The following KNOP1 variants were observed in gnomAD, a reference collection of about 807,000 sequenced individuals.
KNOP1 encodes the protein lysine rich nucleolar protein 1, also known as lysine-rich nucleolar protein 1.
A neutral mutation model predicts 30.6 loss-of-function variants in KNOP1; 20 were observed. The observed-to-expected ratio is 0.65, with a 90% CI of 0.46 to 0.95. KNOP1 has a LOEUF of 0.95. KNOP1 is among the 40% of genes least tolerant of loss of function. The pLI is 0.00. For synonymous variants in KNOP1, 204 were observed against 210.0 expected, an observed-to-expected ratio of 0.97 and a Z score of 0.25; for missense variants, 540 against 562.0, an observed-to-expected ratio of 0.96 and a Z score of 0.40.
chr16:19,711,935 C>T (rs114244964), intron 2 of KNOP1: 7,895 of 170,916 alleles, frequency 0.046, 658 homozygotes, highest in African/African-American at 0.17. Context: ...TCTTCAGTAA[C>T]GACAAATGCT....
intron 2 of KNOP1, 42 bp downstream of exon 2, chr16:19,714,076 T>C: frequency 6.4e-7 from 1 of 1,561,262 alleles, no homozygotes; most frequent in Non-Finnish European, 8.7e-7. Flanking sequence ...ACCCCACCCT[T>C]AATTCTCCCA....
chr16:19,707,278 C>T, intron 4 of KNOP1, 57 bp from the exon 5 acceptor site: 1 of 1,468,330 alleles, frequency 6.8e-7, no homozygotes, highest in South Asian at 1.2e-5. Context: ...CTTTCCTTCC[C>T]TTGACCCCCA....
intron 1 of KNOP1, among the ~76,000 whole-genome samples, chr16:19,716,116 C>T (rs1977050654): frequency 6.6e-6 from 1 of 152,158 alleles, no homozygotes; most frequent in Admixed American, 6.5e-5. Flanking sequence ...ATTCATAACC[C>T]ACTCCAGGCG....
At chr16:19,713,221 T>C (rs1040071299) in intron 2 of KNOP1, among the ~76,000 whole-genome samples, 2 of 151,936 alleles carry the variant, frequency 1.3e-5, no homozygotes, top group African/African-American at 2.4e-5. Context: ...GCCTCACGAG[T>C]AGCTGGGAAT....
At position 19,706,722 on chromosome 16, in the gene KNOP1, C is replaced by A. The variant is rs1830800583; in HGVS notation, c.*188G>T. 1 of 662,056 alleles carries A rather than the reference C, an allele frequency of 1.5e-6. No individual in the cohort carries two copies. Among genetic ancestry groups the A allele is most frequent in the South Asian group, 1.9e-5 (1 of 53,428 alleles). 41.0% of individuals were successfully genotyped at this position (662,056 alleles called of 1,614,324 possible). A position where few individuals can be genotyped will look rare whatever the true frequency, so the allele number is the denominator to read the frequency against. ...AACTGTCAGATGGCTTTCATTTGCA[C>A]AACTGAATAAACCATTTATGCCTAG... On this transcript the variant is annotated 3_prime_UTR_variant, in exon 5 of 5. Transcript: ENST00000219837.
rs994994527 is a variant in KNOP1 at position 19,706,644 on chromosome 16, C to A, written c.*266G>T. ...CTGCCCTGCCCCAGTTCATCCAAGCCCATCAATATAGTTGTCCTCGTCCTT... is the reference window on the plus strand; with the variant it reads ...CTGCCCTGCCCCAGTTCATCCAAGCACATCAATATAGTTGTCCTCGTCCTT... On this transcript the variant is annotated 3_prime_UTR_variant, in exon 5 of 5. Coordinates refer to ENST00000219837, the MANE Select transcript of KNOP1 (RefSeq NM_001012991.3). 3.6e-5 allele frequency: 15 copies of A among 421,182 alleles called. No homozygotes were observed. Among genetic ancestry groups the A allele is most frequent in the African/African-American group, 1.9e-4 (9 of 48,348 alleles). The allele number at this position is 421,182 out of a possible 1,614,324, so 26.1% of individuals were successfully genotyped here.
rs1976238540 is a variant in KNOP1 at position 19,703,347 on chromosome 16, T to C, written c.*3563A>G. The stretch of plus-strand genomic sequence containing the variant: ...TTTCTTAAGTCTCTTTGATGTGGAC[T>C]CTTTTTTGCCTTCCTCTTCCACATT... On this transcript the variant is annotated 3_prime_UTR_variant, in exon 5 of 5. Coordinates refer to ENST00000219837, the MANE Select transcript of KNOP1 (RefSeq NM_001012991.3). 6.6e-6 allele frequency: 1 copy of C among 152,178 alleles called. No homozygotes were observed. Among genetic ancestry groups the C allele is most frequent in the Non-Finnish European group, 1.5e-5 (1 of 68,046 alleles). 9.4% of individuals were successfully genotyped at this position (152,178 alleles called of 1,614,324 possible).
chr16:19,711,511 G>A, intron 2 of KNOP1, 71 bp from the exon 3 acceptor site: 1 of 1,468,140 alleles, frequency 6.8e-7, no homozygotes, highest in Non-Finnish European at 9.5e-7. Context: ...CACCCAGCCA[G>A]GGTGAGACCA....
At chr16:19,716,091 C>A (rs899307487) in intron 1 of KNOP1, among the ~76,000 whole-genome samples, 3 of 152,200 alleles carry the variant, frequency 2.0e-5, no homozygotes, top group Non-Finnish European at 4.4e-5. Context: ...CAGGCCTGAG[C>A]TACAGGTCAA....
At chr16:19,715,636 G>A (rs560911726) in intron 1 of KNOP1, among the ~76,000 whole-genome samples, 4 of 151,940 alleles carry the variant, frequency 2.6e-5, no homozygotes, top group African/African-American at 9.7e-5. Flanking sequence ...GGCCAGGCTA[G>A]TCTCAAACTC....
chr16:19,711,813 C>CT (rs1976736348), intron 2 of KNOP1: 2 of 287,144 alleles, frequency 7.0e-6, no homozygotes, highest in Non-Finnish European at 1.3e-5. Context: ...TGACACCAAA[C>CT]TACAGGACAG....
chr16:19,712,748 C>G (rs1976784898), intron 2 of KNOP1, among the ~76,000 whole-genome samples: 1 of 152,228 alleles, frequency 6.6e-6, no homozygotes, highest in Non-Finnish European at 1.5e-5. Flanking sequence ...AAGGGCCGGA[C>G]ACTGTCTGGA....
Position 19,705,092 on chromosome 16 carries a change from T to TTTTC in KNOP1, c.*1814_*1817dup, listed in dbSNP as rs1976305346. 1 of 444,668 alleles carries TTTTC rather than the reference T, an allele frequency of 2.2e-6. No individual in the cohort carries two copies. Among genetic ancestry groups the TTTTC allele is most frequent in the Non-Finnish European group, 4.5e-6 (1 of 220,014 alleles). 27.5% of individuals were successfully genotyped at this position (444,668 alleles called of 1,614,324 possible). ...AAGTTTCCTTGAGACACAAAAAGGC[T>TTTTC]TTTCTTCCTCTGGAATGTTCTAGGG... On this transcript the variant is annotated 3_prime_UTR_variant, in exon 5 of 5. Coordinates refer to ENST00000219837, the MANE Select transcript of KNOP1 (RefSeq NM_001012991.3).
intron 1 of KNOP1, chr16:19,716,402 C>T (rs1013259568): frequency 6.6e-6 from 1 of 152,258 alleles, no homozygotes; most frequent in Non-Finnish European, 1.5e-5. Context: ...GGTTGTGGAA[C>T]CTGTCCTACC....
At chr16:19,707,304 GC>G in intron 4 of KNOP1, 83 bp from the exon 5 acceptor site, 1 of 1,145,618 alleles carries the variant, frequency 8.7e-7, no homozygotes, top group Non-Finnish European at 1.3e-6. Context: ...ATCAGGGAGG[GC>G]CCAGCAGATT....
rs984751326 is a variant in KNOP1, at chr16:19,707,105, G to A, written c.1182C>T (p.Ala394=). ...CCATGTTGGGCCTTGCAATCGTGCTGGCGGGGCGGCTGAACGAAGGGGACA... is the reference window on the plus strand; with the variant it reads ...CCATGTTGGGCCTTGCAATCGTGCTAGCGGGGCGGCTGAACGAAGGGGACA... ...KNLSPSFSRP[A]STIARPNMAL... The change falls in exon 5 of 5, where the codon GCC becomes GCT. Residue 394 remains alanine (A), a synonymous_variant. Coordinates refer to ENST00000219837, the MANE Select transcript of KNOP1 (RefSeq NM_001012991.3). The A allele has an allele frequency of 2.5e-6, 4 of 1,614,052 alleles. No individual in the cohort carries two copies. Among genetic ancestry groups the A allele is most frequent in the Admixed American group, 1.7e-5 (1 of 60,002 alleles).
chr16:19,708,377 G>GT lies in KNOP1; in HGVS notation c.1066-1157dup, dbSNP rs1205230231. Among the ~76,000 whole-genome samples the GT allele has an allele frequency of 2.0e-5, 3 of 152,124 alleles. No homozygotes were observed. In the South Asian group the frequency reaches 6.2e-4, roughly 32 times the overall value. On this transcript the variant is annotated intron_variant, in intron 4 of 4. Coordinates refer to ENST00000219837, the MANE Select transcript of KNOP1 (RefSeq NM_001012991.3). The stretch of plus-strand genomic sequence containing the variant: ...AAGAAACTCACCTCCCAAGAAGACT[G>GT]TGACTCGGAAGTCAGGCAGCCCCGG...
chr16:19,701,984 G>GTT lies in KNOP1; in HGVS notation c.*4924_*4925dup. The stretch of plus-strand genomic sequence containing the variant: ...AGTGGCCTTTATTTCACAAAATTCT[G>GTT]TTTTTTTTTCTTTTTTTTGAGACAG... On this transcript the variant is annotated 3_prime_UTR_variant, in exon 5 of 5. Transcript: ENST00000219837. The GTT allele has an allele frequency of 6.7e-6, 1 of 149,006 alleles. No homozygotes were observed. The highest frequency in any genetic ancestry group is 1.5e-5 in the Non-Finnish European group (1 of 66,856). 9.2% of individuals were successfully genotyped at this position (149,006 alleles called of 1,614,324 possible). A position where few individuals can be genotyped will look rare whatever the true frequency, so the allele number is the denominator to read the frequency against.
rs771374978 is a variant in KNOP1, at chr16:19,706,214, T to G, written c.*696A>C. ...TCCACTTTTTATCAGAGATGCAGAC[T>G]TGTCATAAAACTTTTTCCTCCATCT... On this transcript the variant is annotated 3_prime_UTR_variant, in exon 5 of 5. Transcript: ENST00000219837. 10 of 152,618 alleles carry G rather than the reference T, an allele frequency of 6.6e-5. No individual in the cohort carries two copies. The highest frequency in any genetic ancestry group is 2.9e-5 in the Non-Finnish European group (2 of 68,062). The allele number at this position is 152,618 out of a possible 1,614,324, so 9.5% of individuals were successfully genotyped here. A position where few individuals can be genotyped will look rare whatever the true frequency, so the allele number is the denominator to read the frequency against.
Sources: gnomAD v4.1 joint callset for allele counts (sites outside exome capture counted in the v4.1 genomes callset) on GRCh38, gnomAD v4.1.1 for gene constraint, MANE v1.5 for transcripts, NCBI Gene and HGNC (gene_info 2026-07-23, HGNC 2026-07-21) for gene names.